Variants in OTC observed in about 807,000 individuals in gnomAD.
OTC encodes ornithine transcarbamylase, mitochondrial.
In OTC, 3 loss-of-function variants were observed where a neutral mutation model predicts 30.3. The observed-to-expected ratio is 0.10, with a 90% CI of 0.05 to 0.26. OTC has a LOEUF of 0.26. OTC is among the 10% of genes least tolerant of loss of function. The pLI is 1.00. For missense variants in OTC, 194 were observed against 260.3 expected, an observed-to-expected ratio of 0.75 and a Z score of 1.75; for synonymous variants, 111 against 99.7, an observed-to-expected ratio of 1.11 and a Z score of -0.67.
At chrX:38,344,064 T>G in the OTC span, among the ~76,000 whole-genome samples, 1 of 111,729 alleles carries the variant, frequency 9.0e-6, no homozygotes, top group African/African-American at 3.3e-5. Context: ...TCAGATCGCT[T>G]GAACCCAGGA....
chrX:38,334,966 C>T, the OTC span, among the ~76,000 whole-genome samples: 1 of 111,760 alleles, frequency 8.9e-6, no homozygotes, highest in Non-Finnish European at 1.9e-5. Context: ...CTGGGTTGCC[C>T]GTTCGTTATG....
intron 6 of OTC, 69 bp downstream of exon 6, chrX:38,403,809 CA>C: frequency 1.8e-6 from 2 of 1,105,054 alleles, no homozygotes; most frequent in Non-Finnish European, 2.5e-6. Flanking sequence ...TACCCAGTGA[CA>C]AAAAAAGCTC....
the OTC span, among the ~76,000 whole-genome samples, chrX:38,332,119 T>C: frequency 1.8e-5 from 2 of 109,461 alleles, no homozygotes; most frequent in Non-Finnish European, 3.8e-5. Flanking sequence ...GGGATCTAGA[T>C]TGTGTGCTCT....
At chrX:38,338,472 C>T in the OTC span, among the ~76,000 whole-genome samples, 321 of 111,774 alleles carry the variant, frequency 2.9e-3, 1 homozygote, top group African/African-American at 9.6e-3. Context: ...TTTGTGACAC[C>T]GGTTTCTGAA....
At chrX:38,373,249 A>G (rs1168142155) in intron 3 of OTC, among the ~76,000 whole-genome samples, 1 of 111,995 alleles carries the variant, frequency 8.9e-6, no homozygotes, top group Non-Finnish European at 1.9e-5. Flanking sequence ...GGCTTCTAAC[A>G]TCACAGATTC....
chrX:38,411,779 A>G (rs2147346418), intron 8 of OTC, 83 bp from the exon 9 acceptor site: 1 of 891,224 alleles, frequency 1.1e-6, no homozygotes, highest in African/African-American at 2.0e-5. Context: ...ACTACTGGCC[A>G]TGTGTGTTTT....
chrX:38,353,109 TA>T (rs2068226283), intron 1 of OTC, among the ~76,000 whole-genome samples: 1 of 112,234 alleles, frequency 8.9e-6, no homozygotes, highest in African/African-American at 3.2e-5. Flanking sequence ...GGGCTTGCTA[TA>T]AAACAATATA....
At chrX:38,350,297 G>C (rs1035938037), upstream of OTC, among the ~76,000 whole-genome samples, 3 of 112,033 alleles carry the variant, frequency 2.7e-5, no homozygotes, top group East Asian at 8.4e-4. Flanking sequence ...TTATCACTCT[G>C]TCTCTCAGAA....
the OTC span, among the ~76,000 whole-genome samples, chrX:38,340,057 T>C: frequency 8.9e-6 from 1 of 112,239 alleles, no homozygotes. Context: ...CTTTGTCAAA[T>C]CAAAGGGCAG....
the OTC span, among the ~76,000 whole-genome samples, chrX:38,345,823 G>A: frequency 3.6e-5 from 4 of 111,176 alleles, no homozygotes; most frequent in Admixed American, 1.9e-4. Context: ...TTACAGGCAT[G>A]AGCCACCGTG....
At chrX:38,380,802 C>G (rs2068372095) in intron 3 of OTC, among the ~76,000 whole-genome samples, 1 of 111,544 alleles carries the variant, frequency 9.0e-6, no homozygotes, top group Non-Finnish European at 1.9e-5. Flanking sequence ...GATCTCGGCT[C>G]ACTACAACCC....
intron 1 of OTC, among the ~76,000 whole-genome samples, chrX:38,365,821 A>C (rs62589190): frequency 0.23 from 25,974 of 111,200 alleles, 2,488 homozygotes; most frequent in Middle Eastern, 0.3. Flanking sequence ...AACATGGAGA[A>C]CTTCCCATGA....
intron 1 of OTC, 92 bp from the exon 2 acceptor site, chrX:38,367,199 G>T: frequency 8.6e-6 from 6 of 701,389 alleles, no homozygotes; most frequent in Non-Finnish European, 1.3e-5. Flanking sequence ...GAAAAGAAAA[G>T]AATGCCTTAT....
At chrX:38,338,692 C>G in the OTC span, among the ~76,000 whole-genome samples, 1 of 111,583 alleles carries the variant, frequency 9.0e-6, no homozygotes, top group East Asian at 2.8e-4. Context: ...GGCAAAAAAC[C>G]ATCAGGGAAT....
At chrX:38,357,264 A>G (rs774789574) in intron 1 of OTC, among the ~76,000 whole-genome samples, 24 of 112,418 alleles carry the variant, frequency 2.1e-4, no homozygotes, top group African/African-American at 6.1e-4. Flanking sequence ...TTCTCATTTC[A>G]TTGCTTGTAT....
At chrX:38,384,363 C>T (rs1315453878) in intron 4 of OTC, among the ~76,000 whole-genome samples, 1 of 111,743 alleles carries the variant, frequency 8.9e-6, no homozygotes, top group African/African-American at 3.3e-5. Flanking sequence ...AGAAATCTGA[C>T]TTTCTTTTGT....
At chrX:38,332,502 T>TC in the OTC span, among the ~76,000 whole-genome samples, 383 of 16,415 alleles carry the variant, frequency 0.023, 8 homozygotes, top group African/African-American at 0.097. Context: ...TAGCCCTAGA[T>TC]TTTATATATA....
intron 1 of OTC, among the ~76,000 whole-genome samples, chrX:38,365,714 G>T (rs889668202): frequency 6.2e-5 from 7 of 112,480 alleles, no homozygotes; most frequent in African/African-American, 2.3e-4. Flanking sequence ...TGATACCTGA[G>T]AAATTTAAAG....
the OTC span, among the ~76,000 whole-genome samples, chrX:38,346,274 T>A: frequency 9.0e-6 from 1 of 111,677 alleles, no homozygotes; most frequent in African/African-American, 3.3e-5. Flanking sequence ...ACTGTTGGGG[T>A]GACAATGAAA....
Sources: gnomAD v4.1 joint callset for allele counts (sites outside exome capture counted in the v4.1 genomes callset) on GRCh38, gnomAD v4.1.1 for gene constraint, MANE v1.5 for transcripts, NCBI Gene and HGNC (gene_info 2026-07-23, HGNC 2026-07-21) for gene names.